The following IMPDH2 variants were observed in gnomAD, a reference collection of about 807,000 sequenced individuals.
IMPDH2 encodes the protein inosine monophosphate dehydrogenase 2, also known as inosine-5'-monophosphate dehydrogenase 2.
In IMPDH2, 33 loss-of-function variants were observed where a neutral mutation model predicts 57.8. The ratio of observed to expected loss-of-function variants is 0.57; its 90% CI spans 0.43 to 0.76. The LOEUF (loss-of-function observed/expected upper bound fraction) is 0.76. IMPDH2 is among the 30% of genes least tolerant of loss of function. The pLI is 0.00. For missense variants in IMPDH2, 446 were observed against 659.1 expected (o/e 0.68, Z 3.54); for synonymous variants, 270 against 241.3 (o/e 1.12, Z -1.10).
At chr3:49,027,338 CAAT>C (rs926303020) in intron 5 of IMPDH2, among the ~76,000 whole-genome samples, 13 of 152,200 alleles carry the variant, frequency 8.5e-5, no homozygotes, top group Admixed American at 7.2e-4. Flanking sequence ...CAAGGGATCC[CAAT>C]AATTCTTAGC....
Position 49,026,735 on chromosome 3 carries a change from C to CACAAGTA in IMPDH2, c.770_771insTACTTGT (p.Lys257AsnfsTer5). 6.2e-7 allele frequency: 1 copy of CACAAGTA among 1,614,244 alleles called. No individual in the cohort carries two copies. Among genetic ancestry groups the CACAAGTA allele is most frequent in the Non-Finnish European group, 8.5e-7 (1 of 1,180,044 alleles). On this transcript the variant is annotated frameshift_variant, in exon 7 of 14. Coordinates refer to ENST00000326739, the MANE Select transcript of IMPDH2 (RefSeq NM_000884.3). LOFTEE classifies it high-confidence loss of function. The stretch of plus-strand genomic sequence containing the variant: ...CCTGGGCGAGCAAGTCCAGCCTATA[C>CACAAGTA]TTGTCATCCTCATGAGTGCCAATGG...
At chr3:49,025,304 T>C (rs1342716602) in intron 9 of IMPDH2, 35 bp from the exon 10 acceptor site, 45 of 1,613,126 alleles carry the variant, frequency 2.8e-5, no homozygotes, top group Non-Finnish European at 3.4e-5. Context: ...GTGGATAGGG[T>C]TAATGGGGAC....
chr3:49,028,907 G>C (rs919121434), intron 1 of IMPDH2, 101 bp from the exon 2 acceptor site: 11 of 923,344 alleles, frequency 1.2e-5, no homozygotes, highest in East Asian at 2.6e-5. Flanking sequence ...TGTGAGCAGA[G>C]AGTGGCACTG....
At chr3:49,028,122 C>CCT (rs2106789660) in intron 4 of IMPDH2, 126 bp downstream of exon 4, 1 of 888,984 alleles carries the variant, frequency 1.1e-6, no homozygotes, top group Non-Finnish European at 1.8e-6. Flanking sequence ...ATCTCAGGGT[C>CCT]TTCTCAGTAA....
rs369675974 is a variant in IMPDH2, at chr3:49,028,811, G to C, written c.99-5C>G. 10 of 1,612,322 alleles carry C rather than the reference G, an allele frequency of 6.2e-6. No individual in the cohort carries two copies. The highest frequency in any genetic ancestry group is 7.6e-6 in the Non-Finnish European group (9 of 1,178,482). ...CCAGGGAGAATGAGAAAGTCACTGC[G>C]AGGGAAGGGAGTGAATTGGGAGTAA... is the stretch of plus-strand genomic sequence containing the variant. On this transcript the variant is annotated splice_region_variant and splice_polypyrimidine_tract_variant and intron_variant, in intron 1 of 13. Coordinates refer to ENST00000326739, the MANE Select transcript of IMPDH2 (RefSeq NM_000884.3).
At chr3:49,026,255 T>G in intron 9 of IMPDH2, 69 bp downstream of exon 9, 2 of 1,168,420 alleles carry the variant, frequency 1.7e-6, no homozygotes, top group Non-Finnish European at 2.5e-6. Context: ...CCCATAAGAG[T>G]GCTTGGTTCC....
At chr3:49,028,683 T>A (rs547081244) in intron 2 of IMPDH2, 75 bp downstream of exon 2, 1 of 1,418,034 alleles carries the variant, frequency 7.1e-7, no homozygotes, top group African/African-American at 1.4e-5. Context: ...ATCTGGTGAG[T>A]TAGCCCAGAG....
chr3:49,026,439 A>G lies in IMPDH2; in HGVS notation c.911-20T>C. The G allele has an allele frequency of 6.2e-7, 1 of 1,611,030 alleles. No individual in the cohort carries two copies. Among genetic ancestry groups the G allele is most frequent in the Non-Finnish European group, 8.5e-7 (1 of 1,177,384 alleles). ...TGACCACTATGGTGAAGGAAAGGAAAATGCTCATGTGAAGGTTAAGGTGGG... is the reference window on the plus strand; with the variant it reads ...TGACCACTATGGTGAAGGAAAGGAAGATGCTCATGTGAAGGTTAAGGTGGG... On this transcript the variant is annotated intron_variant, in intron 8 of 13. Transcript: ENST00000326739.
chr3:49,025,890 C>G, intron 9 of IMPDH2: 1 of 448,950 alleles, frequency 2.2e-6, no homozygotes, highest in Non-Finnish European at 4.5e-6. Context: ...ATCAGTTGGC[C>G]TTGCCCACCC....
chr3:49,025,974 A>T (rs1559915739), intron 9 of IMPDH2: 1 of 470,256 alleles, frequency 2.1e-6, no homozygotes, highest in Non-Finnish European at 4.2e-6. Flanking sequence ...GGGCCGGGCC[A>T]GTGGGCCGGG....
Position 49,027,884 on chromosome 3 carries a change from C to T in IMPDH2, c.357G>A (p.Val119=). 1 of 1,614,166 alleles carries T rather than the reference C, an allele frequency of 6.2e-7. No individual in the cohort carries two copies. The highest frequency in any genetic ancestry group is 8.5e-7 in the Non-Finnish European group (1 of 1,180,016). Residue 119 remains valine, a synonymous_variant, in exon 5 of 14, where the codon GTG becomes GTA. Coordinates refer to ENST00000326739, the MANE Select transcript of IMPDH2 (RefSeq NM_000884.3). ...KYEQGFITDP[V]VLSPKDRVRD... is the part of the protein sequence containing the mutation. Reference sequence around the variant, plus strand: ...GCACGCGATCCTTGGGGCTGAGGACCACAGGGTCTGTGATGAATCCCTGTT... The same window carrying T: ...GCACGCGATCCTTGGGGCTGAGGACTACAGGGTCTGTGATGAATCCCTGTT...
intron 9 of IMPDH2, 71 bp downstream of exon 9, chr3:49,026,253 A>G: frequency 8.7e-7 from 1 of 1,145,624 alleles, no homozygotes; most frequent in Non-Finnish European, 1.3e-6. Context: ...TCCCCATAAG[A>G]GTGCTTGGTT....
chr3:49,024,440 G>A, intron 13 of IMPDH2, 36 bp from the exon 14 acceptor site: 1 of 1,614,198 alleles, frequency 6.2e-7, no homozygotes, highest in Non-Finnish European at 8.5e-7. Flanking sequence ...GGTGAGGGCA[G>A]GAGAAAGGAG....
At position 49,028,221 on chromosome 3, in the gene IMPDH2, CTTGCTAATGATCG is replaced by C. The variant is rs769334005; in HGVS notation, c.324+14_324+26del. ...CACCTCAGTGCAATTCCCAGGAGCG[CTTGCTAATGATCG>C]TTGCCCTTCTGACCTTCACTTTCCG... On this transcript the variant is annotated intron_variant, in intron 4 of 13. Transcript: ENST00000326739. The C allele has an allele frequency of 2.0e-4, 321 of 1,595,716 alleles. No individual in the cohort carries two copies. The highest frequency in any genetic ancestry group is 3.0e-4 in the Admixed American group (18 of 59,996).
At chr3:49,028,108 C>A (rs1253685858) in intron 4 of IMPDH2, 140 bp downstream of exon 4, 10 of 831,198 alleles carry the variant, frequency 1.2e-5, no homozygotes, top group Non-Finnish European at 3.9e-6. Context: ...CTTTAAGAAA[C>A]AGAATCTCAG....
Position 49,027,003 on chromosome 3 carries a change from G to T in IMPDH2, c.576C>A (p.Ile192=). ...GAATTTCATTTGCCTCCTTCAGTGT[G>T]ATGCCTGCAGGGGCTACCACCAAGT... ...REDLVVAPAG[I]TLKEANEILQ... The change falls in exon 6 of 14, where the codon ATC becomes ATA. Residue 192 remains isoleucine (I), a synonymous_variant. Coordinates refer to ENST00000326739, the MANE Select transcript of IMPDH2 (RefSeq NM_000884.3). The T allele has an allele frequency of 6.2e-7, 1 of 1,614,090 alleles. No individual in the cohort carries two copies. Among genetic ancestry groups the T allele is most frequent in the Non-Finnish European group, 8.5e-7 (1 of 1,179,946 alleles).
At position 49,026,100 on chromosome 3, in the gene IMPDH2, G is replaced by C. The variant is rs747829964; in HGVS notation, c.1006+224C>G. 11 of 660,980 alleles carry C rather than the reference G, an allele frequency of 1.7e-5. 1 individual carries two copies. Among genetic ancestry groups the C allele is most frequent in the South Asian group, 1.7e-4 (11 of 66,394 alleles). The allele number at this position is 660,980 out of a possible 1,614,324, so 40.9% of individuals were successfully genotyped here. A position where few individuals can be genotyped will look rare whatever the true frequency, so the allele number is the denominator to read the frequency against. On this transcript the variant is annotated intron_variant, in intron 9 of 13. Coordinates refer to ENST00000326739, the MANE Select transcript of IMPDH2 (RefSeq NM_000884.3). ...AACAAACAGACCAGAGTTTAGAGAA[G>C]GTGCAGAGCAGGAGCAAGAAGGCCA... is the stretch of plus-strand genomic sequence containing the variant.
intron 5 of IMPDH2, 93 bp downstream of exon 5, chr3:49,027,617 G>C: frequency 9.4e-7 from 1 of 1,064,454 alleles, no homozygotes; most frequent in Non-Finnish European, 1.4e-6. Flanking sequence ...TTCCCAGAGA[G>C]AAGAGGCTAT....
At chr3:49,025,347 CAGG>C in intron 9 of IMPDH2, 78 bp from the exon 10 acceptor site, 1 of 1,549,168 alleles carries the variant, frequency 6.5e-7, no homozygotes, top group African/African-American at 1.4e-5. Context: ...ATTTAGGACC[CAGG>C]AGCTTTTGGC....
Sources: allele counts gnomAD v4.1 joint callset (sites outside exome capture counted in the v4.1 genomes callset), GRCh38; gene constraint gnomAD v4.1.1; transcripts MANE v1.5; gene names NCBI Gene and HGNC (gene_info 2026-07-23, HGNC 2026-07-21).